The following MSRA variants were observed in gnomAD, a reference collection of about 807,000 sequenced individuals.
MSRA encodes mitochondrial peptide methionine sulfoxide reductase.
In MSRA, 54 loss-of-function variants were observed where a neutral mutation model predicts 31.3. That is an observed-to-expected ratio of 1.73 (90% CI 1.39 to 2.17). The LOEUF (loss-of-function observed/expected upper bound fraction) is 2.17, where lower values mean the gene tolerates loss of function less well. Ranked by LOEUF, MSRA falls within the 30% of genes most tolerant of loss-of-function variation. The pLI, the probability that MSRA is intolerant of heterozygous loss-of-function variation, is 0.00. For missense variants in MSRA, 507 were observed against 300.9 expected (o/e 1.69, Z -5.07); for synonymous variants, 169 against 116.5 (o/e 1.45, Z -2.90).
intron 5 of MSRA, among the ~76,000 whole-genome samples, chr8:10,368,824 T>A (rs1256327552): frequency 2.0e-5 from 3 of 152,212 alleles, no homozygotes; most frequent in African/African-American, 7.2e-5. Flanking sequence ...GTCTTGTCAC[T>A]TTTCCCTTCT....
intron 3 of MSRA, among the ~76,000 whole-genome samples, chr8:10,246,067 A>G (rs1484041516): frequency 1.3e-5 from 2 of 151,346 alleles, no homozygotes; most frequent in African/African-American, 4.9e-5. Flanking sequence ...TATTGACTTG[A>G]CTTATAGGCC....
intron 3 of MSRA, among the ~76,000 whole-genome samples, chr8:10,286,172 T>C (rs1435363611): frequency 6.6e-6 from 1 of 152,186 alleles, no homozygotes; most frequent in Non-Finnish European, 1.5e-5. Context: ...ATTTTCAACA[T>C]CTGAAGCACT....
chr8:10,217,905 C>A (rs898448502), intron 2 of MSRA, among the ~76,000 whole-genome samples: 1 of 152,038 alleles, frequency 6.6e-6, no homozygotes, highest in Non-Finnish European at 1.5e-5. Context: ...TTCTTTTCAT[C>A]TGTAAGTTCA....
intron 5 of MSRA, among the ~76,000 whole-genome samples, chr8:10,340,127 G>A (rs1384513849): frequency 6.6e-6 from 1 of 152,132 alleles, no homozygotes; most frequent in Non-Finnish European, 1.5e-5. Flanking sequence ...AGAAGAGGCA[G>A]CCGCTTGAGA....
At chr8:10,280,541 A>T (rs1256958718) in intron 3 of MSRA, among the ~76,000 whole-genome samples, 2 of 152,250 alleles carry the variant, frequency 1.3e-5, no homozygotes, top group African/African-American at 2.4e-5. Context: ...AACTTAAAAA[A>T]TATTTGTAAC....
rs937453079 is a variant in MSRA at position 10,353,940 on chromosome 8, G to A, written c.543+33951G>A. Reference sequence around the variant, plus strand: ...CAAAGGACCTTATTATGGAAGGAAAGCAGTGTTGTCAAGAGAGCTAAAATG... The same window carrying A: ...CAAAGGACCTTATTATGGAAGGAAAACAGTGTTGTCAAGAGAGCTAAAATG... On this transcript the variant is annotated intron_variant, in intron 5 of 5. Coordinates refer to ENST00000317173, the MANE Select transcript of MSRA (RefSeq NM_012331.5). 4.0e-5 allele frequency: 8 copies of A among 199,384 alleles called. No homozygotes were observed. In the South Asian group the frequency reaches 6.2e-4, roughly 15 times the overall value. The allele number at this position is 199,384 out of a possible 1,614,324, so 12.4% of individuals were successfully genotyped here.
intron 1 of MSRA, among the ~76,000 whole-genome samples, chr8:10,186,190 G>T (rs531930213): frequency 6.6e-6 from 1 of 152,120 alleles, no homozygotes; most frequent in Non-Finnish European, 1.5e-5. Flanking sequence ...TTCACTGAAA[G>T]AGGTGCTTCC....
chr8:10,086,831 C>T (rs1012543998), intron 1 of MSRA, among the ~76,000 whole-genome samples: 7 of 142,388 alleles, frequency 4.9e-5, no homozygotes, highest in Admixed American at 2.8e-4. Flanking sequence ...AGAGGAGAGG[C>T]GAAGAGAGGT....
intron 3 of MSRA, among the ~76,000 whole-genome samples, chr8:10,270,852 G>A (rs1798997293): frequency 1.3e-5 from 2 of 152,326 alleles, no homozygotes. Context: ...ACTGCAGGGT[G>A]GAATTTGTGC....
At chr8:10,070,958 C>T (rs1429339653) in intron 1 of MSRA, among the ~76,000 whole-genome samples, 6 of 152,318 alleles carry the variant, frequency 3.9e-5, no homozygotes, top group South Asian at 4.1e-4. Context: ...CTGCTATGAA[C>T]ATTCATGTCC....
intron 2 of MSRA, among the ~76,000 whole-genome samples, chr8:10,209,263 G>A (rs1229830012): frequency 6.6e-6 from 1 of 152,126 alleles, no homozygotes; most frequent in Non-Finnish European, 1.5e-5. Flanking sequence ...ATGTTCAAAG[G>A]GGTCTTTTGA....
At chr8:10,083,871 A>C (rs961652538) in intron 1 of MSRA, among the ~76,000 whole-genome samples, 5 of 152,190 alleles carry the variant, frequency 3.3e-5, no homozygotes, top group African/African-American at 1.2e-4. Flanking sequence ...TTTAATTTTA[A>C]AATACTTTCT....
chr8:10,263,203 C>T (rs1432695856), intron 3 of MSRA, among the ~76,000 whole-genome samples: 1 of 152,220 alleles, frequency 6.6e-6, no homozygotes, highest in African/African-American at 2.4e-5. Context: ...ATCTTTATTG[C>T]TGTCACCCCC....
At chr8:10,406,818 C>T (rs1006127569) in intron 5 of MSRA, among the ~76,000 whole-genome samples, 5 of 152,174 alleles carry the variant, frequency 3.3e-5, no homozygotes, top group Admixed American at 6.5e-5. Flanking sequence ...AAGATGAGGC[C>T]CATGCTAGGA....
chr8:10,110,464 T>C (rs1350378711), intron 1 of MSRA, among the ~76,000 whole-genome samples: 1 of 152,078 alleles, frequency 6.6e-6, no homozygotes, highest in Non-Finnish European at 1.5e-5. Context: ...GGAAGTGGGG[T>C]GCATGATTTA....
At chr8:10,340,719 T>A (rs1215410619) in intron 5 of MSRA, among the ~76,000 whole-genome samples, 1 of 152,234 alleles carries the variant, frequency 6.6e-6, no homozygotes, top group Non-Finnish European at 1.5e-5. Context: ...GAGGATGGCA[T>A]GTTTTGATTC....
chr8:10,159,868 T>C (rs1240723307), intron 1 of MSRA, among the ~76,000 whole-genome samples: 1 of 152,200 alleles, frequency 6.6e-6, no homozygotes, highest in Non-Finnish European at 1.5e-5. Flanking sequence ...TTTTATGTTT[T>C]TGAGATACAT....
At chr8:10,322,830 G>T (rs978472792) in intron 5 of MSRA, among the ~76,000 whole-genome samples, 8 of 152,138 alleles carry the variant, frequency 5.3e-5, no homozygotes, top group Non-Finnish European at 1.5e-5. Context: ...AGTGACTCAC[G>T]CCTCTAATCC....
chr8:10,060,590 T>C (rs1255419773), intron 1 of MSRA, among the ~76,000 whole-genome samples: 3 of 152,208 alleles, frequency 2.0e-5, no homozygotes, highest in Non-Finnish European at 4.4e-5. Context: ...TCGCTGTTTT[T>C]AGTCTAATTG....
Sources: allele counts gnomAD v4.1 joint callset (sites outside exome capture counted in the v4.1 genomes callset), GRCh38; gene constraint gnomAD v4.1.1; transcripts MANE v1.5; gene names NCBI Gene and HGNC (gene_info 2026-07-23, HGNC 2026-07-21).